SETD7: variants seen among roughly 807,000 people sequenced by gnomAD.
The protein encoded by SETD7 is histone-lysine N-methyltransferase SETD7.
SETD7 carries 16 observed loss-of-function variants against 41.8 expected under a neutral mutation model. The observed-to-expected ratio is 0.38, with a 90% CI of 0.26 to 0.58. The LOEUF is 0.58. SETD7 is among the 20% of genes least tolerant of loss of function. The pLI, the probability that SETD7 is intolerant of heterozygous loss-of-function variation, is 0.64. For missense variants in SETD7, 346 were observed against 459.7 expected, an observed-to-expected ratio of 0.75 and a Z score of 2.26; for synonymous variants, 163 against 169.7, an observed-to-expected ratio of 0.96 and a Z score of 0.31.
At chr4:139,521,318 C>T (rs1211090783) in intron 5 of SETD7, among the ~76,000 whole-genome samples, 1 of 151,628 alleles carries the variant, frequency 6.6e-6, no homozygotes, top group Non-Finnish European at 1.5e-5. Flanking sequence ...CCCAGTTACT[C>T]GGGAGGCTGA....
chr4:139,546,307 TACTGGG>T (rs1003382633), intron 2 of SETD7: 1 of 188,334 alleles, frequency 5.3e-6, no homozygotes, highest in African/African-American at 2.4e-5. Context: ...TATGTCTTAT[TACTGGG>T]ACTGCAATGA....
At chr4:139,546,058 T>C (rs1727933757) in intron 2 of SETD7, among the ~76,000 whole-genome samples, 2 of 152,186 alleles carry the variant, frequency 1.3e-5, no homozygotes, top group South Asian at 2.1e-4. Flanking sequence ...AAACGTCCTA[T>C]AGTCATTCCT....
At chr4:139,522,040 G>A (rs1003643775) in intron 5 of SETD7, among the ~76,000 whole-genome samples, 1 of 152,228 alleles carries the variant, frequency 6.6e-6, no homozygotes, top group Non-Finnish European at 1.5e-5. Context: ...TCATTATGCA[G>A]CCTCATCACA....
At chr4:139,525,206 C>T (rs1727292643) in intron 4 of SETD7, among the ~76,000 whole-genome samples, 2 of 152,196 alleles carry the variant, frequency 1.3e-5, no homozygotes, top group South Asian at 4.1e-4. Flanking sequence ...GCTCCTTAGA[C>T]TAAAATTTTT....
At chr4:139,522,663 C>A (rs1210453689) in intron 5 of SETD7, among the ~76,000 whole-genome samples, 2 of 151,132 alleles carry the variant, frequency 1.3e-5, no homozygotes, top group Admixed American at 6.6e-5. Context: ...CCCTAGAGGG[C>A]CAGCATGTGA....
intron 7 of SETD7, 25 bp downstream of exon 7, chr4:139,517,860 C>T: frequency 6.3e-7 from 1 of 1,599,624 alleles, no homozygotes; most frequent in Non-Finnish European, 8.5e-7. Context: ...ATAGATCCGC[C>T]CCAGCAGCTC....
chr4:139,543,693 C>T lies in SETD7; in HGVS notation c.170+3227G>A, dbSNP rs559997547. Among the ~76,000 whole-genome samples, 269 of 151,912 alleles carry T rather than the reference C, an allele frequency of 1.8e-3. 1 individual carries two copies. Among genetic ancestry groups the T allele is most frequent in the Non-Finnish European group, 2.9e-3 (194 of 68,002 alleles). ...ATTGGGTGGGCGTAGTGGCTCACACCCGTAATCCCAGCACTTTGGAAGGCC... is the reference window on the plus strand; with the variant it reads ...ATTGGGTGGGCGTAGTGGCTCACACTCGTAATCCCAGCACTTTGGAAGGCC... On this transcript the variant is annotated intron_variant, in intron 2 of 7. Coordinates refer to ENST00000274031, the MANE Select transcript of SETD7 (RefSeq NM_030648.4).
At position 139,533,296 on chromosome 4, in the gene SETD7, C is replaced by G; in HGVS notation, c.241G>C (p.Val81Leu). ...QGVYTYEDGG[V>L]LQGTYVDGEL... Reference sequence around the variant, plus strand: ...CCGTCTACATACGTGCCCTGGAGAACTCCCCCATCTTCGTAAGTGTAAACT... The same window carrying G: ...CCGTCTACATACGTGCCCTGGAGAAGTCCCCCATCTTCGTAAGTGTAAACT... The change falls in exon 3 of 8, where the codon GTT (valine) becomes CTT (leucine). Residue 81 changes from valine (V) to leucine (L), a missense_variant. Transcript: ENST00000274031. The G allele has an allele frequency of 6.2e-7, 1 of 1,614,192 alleles. No homozygotes were observed. Among genetic ancestry groups the G allele is most frequent in the Non-Finnish European group, 8.5e-7 (1 of 1,180,032 alleles).
chr4:139,524,859 C>T (rs1727281875), intron 4 of SETD7, among the ~76,000 whole-genome samples: 1 of 152,198 alleles, frequency 6.6e-6, no homozygotes, highest in African/African-American at 2.4e-5. Flanking sequence ...CTCTGTCACT[C>T]AGGCTGGAGA....
At position 139,511,037 on chromosome 4, in the gene SETD7, T is replaced by C. The variant is rs1435368223; in HGVS notation, c.*626A>G. ...AACCAGAGAGACCTACACACTGCTA[T>C]TGATGCAAAAATCCATTTGGAAGTT... On this transcript the variant is annotated 3_prime_UTR_variant, in exon 8 of 8. Transcript: ENST00000274031. 6.6e-6 allele frequency: 1 copy of C among 152,666 alleles called. No homozygotes were observed. The highest frequency in any genetic ancestry group is 1.9e-4 in the East Asian group (1 of 5,210). 9.5% of individuals were successfully genotyped at this position (152,666 alleles called of 1,614,324 possible). A position where few individuals can be genotyped will look rare whatever the true frequency, so the allele number is the denominator to read the frequency against.
At chr4:139,532,620 A>ATTTACTT (rs1460492235) in intron 3 of SETD7, 2 of 154,254 alleles carry the variant, frequency 1.3e-5, no homozygotes, top group Non-Finnish European at 2.9e-5. Context: ...CAGAAATATC[A>ATTTACTT]TAAAATGCTA....
At chr4:139,518,107 A>G in intron 6 of SETD7, 65 bp from the exon 7 acceptor site, 5 of 1,480,930 alleles carry the variant, frequency 3.4e-6, no homozygotes, top group Non-Finnish European at 4.5e-6. Flanking sequence ...AGGACATCAG[A>G]GATATTAACT....
downstream of SETD7, among the ~76,000 whole-genome samples, chr4:139,492,982 G>A (rs1726380302): frequency 1.3e-5 from 2 of 152,162 alleles, no homozygotes; most frequent in African/African-American, 4.8e-5. Flanking sequence ...GATTCATAGG[G>A]AAAGTTCATT....
chr4:139,538,018 C>T (rs1393581576), intron 2 of SETD7, among the ~76,000 whole-genome samples: 1 of 151,980 alleles, frequency 6.6e-6, no homozygotes, highest in Non-Finnish European at 1.5e-5. Flanking sequence ...TGATGGCAAG[C>T]TTTCTACTAA....
chr4:139,509,800 A>T lies in SETD7; in HGVS notation c.*1863T>A. 1.0e-6 allele frequency: 1 copy of T among 985,502 alleles called. No individual in the cohort carries two copies. The highest frequency in any genetic ancestry group is 1.2e-6 in the Non-Finnish European group (1 of 829,980). The allele number at this position is 985,502 out of a possible 1,614,324, so 61.0% of individuals were successfully genotyped here. A position where few individuals can be genotyped will look rare whatever the true frequency, so the allele number is the denominator to read the frequency against. The stretch of plus-strand genomic sequence containing the variant: ...CTATCCTGGTGCCTTTAAATCTAAA[A>T]ACTATTCAGTTCCTTTGGTGGGCAA... On this transcript the variant is annotated 3_prime_UTR_variant, in exon 8 of 8. Transcript: ENST00000274031.
intron 5 of SETD7, among the ~76,000 whole-genome samples, chr4:139,520,894 G>A (rs1244674736): frequency 6.6e-6 from 1 of 152,208 alleles, no homozygotes; most frequent in Non-Finnish European, 1.5e-5. Flanking sequence ...CCCAGCAAAA[G>A]GGTTCATAAC....
intron 7 of SETD7, among the ~76,000 whole-genome samples, chr4:139,515,796 G>A (rs977409032): frequency 1.3e-5 from 2 of 152,256 alleles, no homozygotes; most frequent in Non-Finnish European, 2.9e-5. Flanking sequence ...TCCAAATCCT[G>A]GCAATTTGCC....
At chr4:139,546,181 G>A (rs1424690988) in intron 2 of SETD7, 2 of 153,770 alleles carry the variant, frequency 1.3e-5, no homozygotes, top group African/African-American at 2.4e-5. Context: ...GGTACACTGT[G>A]GAAAATCATA....
chr4:139,531,856 C>G (rs1038013410), intron 3 of SETD7, among the ~76,000 whole-genome samples: 1 of 151,924 alleles, frequency 6.6e-6, no homozygotes, highest in East Asian at 1.9e-4. Flanking sequence ...TTTGGGAGGC[C>G]GAGGCAAGGA....
Sources: gnomAD v4.1 joint callset for allele counts (sites outside exome capture counted in the v4.1 genomes callset) on GRCh38, gnomAD v4.1.1 for gene constraint, MANE v1.5 for transcripts, NCBI Gene and HGNC (gene_info 2026-07-23, HGNC 2026-07-21) for gene names.